Variants in PODXL observed in about 807,000 individuals in gnomAD.
The protein encoded by PODXL is podocalyxin.
Under a neutral mutation model 48.9 loss-of-function variants are expected in PODXL, and 20 were observed. The ratio of observed to expected loss-of-function variants is 0.41; its 90% CI spans 0.29 to 0.59. The LOEUF (loss-of-function observed/expected upper bound fraction) is 0.59. Among genes scored for constraint, PODXL ranks in the 20% least tolerant of loss-of-function variants. PODXL has a pLI of 0.31. For missense variants in PODXL, 606 were observed against 675.1 expected, an observed-to-expected ratio of 0.90 and a Z score of 1.13; for synonymous variants, 295 against 287.4, an observed-to-expected ratio of 1.03 and a Z score of -0.27.
At chr7:131,513,895 AG>A in intron 1 of PODXL, among the ~76,000 whole-genome samples, 1 of 152,372 alleles carries the variant, frequency 6.6e-6, no homozygotes, top group South Asian at 2.1e-4. Flanking sequence ...TATCAGGAGT[AG>A]CCGCCAGCAG....
intron 1 of PODXL, among the ~76,000 whole-genome samples, chr7:131,555,997 C>T (rs1798735283): frequency 6.6e-6 from 1 of 152,234 alleles, no homozygotes; most frequent in African/African-American, 2.4e-5. Context: ...CGGCGCGCCC[C>T]TGTTTGCCCG....
chr7:131,536,511 C>T (rs1007831776), intron 1 of PODXL, among the ~76,000 whole-genome samples: 27 of 152,120 alleles, frequency 1.8e-4, no homozygotes, highest in Admixed American at 1.4e-3. Context: ...CTTACACCCT[C>T]GGGCCAGCAG....
intron 1 of PODXL, among the ~76,000 whole-genome samples, chr7:131,529,397 A>C (rs1798237351): frequency 6.6e-6 from 1 of 152,020 alleles, no homozygotes. Context: ...ATCTTCAAGG[A>C]GGGCCTGCTT....
At chr7:131,555,370 G>A (rs1258732328) in intron 1 of PODXL, among the ~76,000 whole-genome samples, 2 of 152,196 alleles carry the variant, frequency 1.3e-5, no homozygotes, top group Admixed American at 6.5e-5. Context: ...TTCTGGTTGA[G>A]TTTGCAGCCA....
chr7:131,546,923 C>T (rs970114531), intron 1 of PODXL, among the ~76,000 whole-genome samples: 17 of 152,176 alleles, frequency 1.1e-4, no homozygotes, highest in African/African-American at 2.6e-4. Flanking sequence ...CCTGCCTCCC[C>T]GCACTGAGGC....
chr7:131,556,305 G>A lies in PODXL; in HGVS notation c.55C>T (p.Leu19=), dbSNP rs2116881122. The change falls in exon 1 of 9, where the codon CTG becomes TTG. Residue 19 remains leucine, a synonymous_variant. Coordinates refer to ENST00000378555, the MANE Select transcript of PODXL (RefSeq NM_001018111.3). ...GACGGCGACGGCGACGACGGCAGCA[G>A]CGGCGGCGTTGACAACAGTAGCAGC... ...ALLLLLSTPP[L]LPSSPSPSPS... is the part of the protein sequence containing the mutation. 6.6e-7 allele frequency: 1 copy of A among 1,504,142 alleles called. No homozygotes were observed. Among genetic ancestry groups the A allele is most frequent in the Non-Finnish European group, 8.8e-7 (1 of 1,130,750 alleles). 93.2% of individuals were successfully genotyped at this position (1,504,142 alleles called of 1,614,324 possible).
At chr7:131,519,205 G>C (rs984552647) in intron 1 of PODXL, among the ~76,000 whole-genome samples, 1 of 152,152 alleles carries the variant, frequency 6.6e-6, no homozygotes, top group Non-Finnish European at 1.5e-5. Context: ...CTTTTCTCCT[G>C]TCACTGTCCA....
chr7:131,533,624 G>A (rs1220797468), intron 1 of PODXL, among the ~76,000 whole-genome samples: 1 of 152,154 alleles, frequency 6.6e-6, no homozygotes, highest in Non-Finnish European at 1.5e-5. Flanking sequence ...AGAAGCCCTG[G>A]TTCACACCAC....
At chr7:131,538,059 G>A (rs566265906) in intron 1 of PODXL, among the ~76,000 whole-genome samples, 6 of 152,292 alleles carry the variant, frequency 3.9e-5, no homozygotes, top group African/African-American at 1.2e-4. Flanking sequence ...AAACTGATGT[G>A]TACGCACTTC....
chr7:131,552,606 T>C (rs1302955019), intron 1 of PODXL, among the ~76,000 whole-genome samples: 1 of 152,154 alleles, frequency 6.6e-6, no homozygotes, highest in Non-Finnish European at 1.5e-5. Flanking sequence ...GCTCCCCTCC[T>C]CAGCCCTTCT....
At chr7:131,518,629 C>T (rs1186643124) in intron 1 of PODXL, among the ~76,000 whole-genome samples, 1 of 152,186 alleles carries the variant, frequency 6.6e-6, no homozygotes, top group Non-Finnish European at 1.5e-5. Context: ...ATGTAGGGTT[C>T]AGGCTAAGTC....
Position 131,556,396 on chromosome 7 carries a change from G to T in PODXL, c.-37C>A. The T allele has an allele frequency of 2.2e-6, 3 of 1,342,386 alleles. No homozygotes were observed. Among genetic ancestry groups the T allele is most frequent in the Non-Finnish European group, 2.9e-6 (3 of 1,047,660 alleles). The allele number at this position is 1,342,386 out of a possible 1,614,324, so 83.2% of individuals were successfully genotyped here. On this transcript the variant is annotated 5_prime_UTR_variant, in exon 1 of 9. Coordinates refer to ENST00000378555, the MANE Select transcript of PODXL (RefSeq NM_001018111.3). Reference sequence around the variant, plus strand: ...CTCTGGGCCGGGAGCAGGTGGCTGCGGTGCCGGCGGAGGATCCGCGCGTCC... The same window carrying T: ...CTCTGGGCCGGGAGCAGGTGGCTGCTGTGCCGGCGGAGGATCCGCGCGTCC...
chr7:131,524,805 T>C (rs1232891352), intron 1 of PODXL, among the ~76,000 whole-genome samples: 1 of 152,186 alleles, frequency 6.6e-6, no homozygotes, highest in Non-Finnish European at 1.5e-5. Flanking sequence ...TGCAAATGTT[T>C]ATAGCAGTTT....
chr7:131,545,934 T>C (rs1201481507), intron 1 of PODXL, among the ~76,000 whole-genome samples: 1 of 152,274 alleles, frequency 6.6e-6, no homozygotes, highest in Admixed American at 6.5e-5. Context: ...AGCCCAGACT[T>C]ACCATGTGGG....
intron 1 of PODXL, among the ~76,000 whole-genome samples, chr7:131,542,954 G>A (rs745613086): frequency 1.6e-4 from 25 of 152,134 alleles, no homozygotes; most frequent in Non-Finnish European, 3.1e-4. Context: ...TGCAGAGCAC[G>A]AGGAGCTGAT....
At chr7:131,540,237 C>T (rs1347111251) in intron 1 of PODXL, among the ~76,000 whole-genome samples, 2 of 152,072 alleles carry the variant, frequency 1.3e-5, no homozygotes, top group African/African-American at 2.4e-5. Context: ...TGTAGAGATA[C>T]GGTCTCACTC....
At chr7:131,552,965 T>A (rs1194421650) in intron 1 of PODXL, among the ~76,000 whole-genome samples, 2 of 152,172 alleles carry the variant, frequency 1.3e-5, no homozygotes, top group African/African-American at 4.8e-5. Context: ...AATTTTTTTG[T>A]CTTTTTAGTA....
At chr7:131,511,569 G>T in intron 1 of PODXL, 136 bp from the exon 2 acceptor site, 1 of 804,892 alleles carries the variant, frequency 1.2e-6, no homozygotes, top group South Asian at 1.8e-5. Context: ...GGTCTTTGGT[G>T]AATCCAGAAT....
intron 1 of PODXL, among the ~76,000 whole-genome samples, chr7:131,544,410 T>C (rs1798530489): frequency 6.6e-6 from 1 of 152,148 alleles, no homozygotes; most frequent in Admixed American, 6.5e-5. Context: ...GTAATCCCCA[T>C]AGGATGCCGT....
Sources: allele counts gnomAD v4.1 joint callset (sites outside exome capture counted in the v4.1 genomes callset), GRCh38; gene constraint gnomAD v4.1.1; transcripts MANE v1.5; gene names NCBI Gene and HGNC (gene_info 2026-07-23, HGNC 2026-07-21).